The following FAM193A variants were observed in gnomAD, a reference collection of about 807,000 sequenced individuals.
The protein encoded by FAM193A is protein FAM193A.
Under a neutral mutation model 126.5 loss-of-function variants are expected in FAM193A, and 22 were observed. That is an observed-to-expected ratio of 0.17 (90% confidence interval 0.12 to 0.25). The LOEUF (loss-of-function observed/expected upper bound fraction) is 0.25, where lower values mean the gene tolerates loss of function less well. Among genes scored for constraint, FAM193A ranks in the 10% least tolerant of loss-of-function variants. The pLI, the probability that FAM193A is intolerant of heterozygous loss-of-function variation, is 1.00. For synonymous variants in FAM193A, 761 were observed against 646.8 expected, an observed-to-expected ratio of 1.18 and a Z score of -2.68; for missense variants, 1,675 against 1,672.8, an observed-to-expected ratio of 1.00 and a Z score of -0.02.
At chr4:2,607,089 C>G (rs997224847) in intron 2 of FAM193A, among the ~76,000 whole-genome samples, 1 of 152,178 alleles carries the variant, frequency 6.6e-6, no homozygotes, top group Non-Finnish European at 1.5e-5. Context: ...TGAGATTCCT[C>G]GAGGCGGACT....
intron 2 of FAM193A, among the ~76,000 whole-genome samples, chr4:2,615,680 A>G (rs1467100892): frequency 6.6e-6 from 1 of 151,460 alleles, no homozygotes; most frequent in Non-Finnish European, 1.5e-5. Flanking sequence ...CACCACGCCC[A>G]GGTAATTTTT....
intron 1 of FAM193A, among the ~76,000 whole-genome samples, chr4:2,586,190 C>T (rs530257407): frequency 6.6e-6 from 1 of 151,714 alleles, no homozygotes; most frequent in East Asian, 1.9e-4. Context: ...TTGCAGTGAC[C>T]TGAGATGATG....
chr4:2,571,378 T>C (rs996923028), intron 1 of FAM193A, among the ~76,000 whole-genome samples: 1 of 152,180 alleles, frequency 6.6e-6, no homozygotes, highest in African/African-American at 2.4e-5. Context: ...CGGAGACTGG[T>C]ACTTGTTGGC....
At chr4:2,716,425 C>T (rs1234059217) in intron 20 of FAM193A, among the ~76,000 whole-genome samples, 1 of 152,162 alleles carries the variant, frequency 6.6e-6, no homozygotes. Context: ...CCTGGGCCAG[C>T]AGCGTCTCCT....
At chr4:2,641,482 C>T (rs891673536) in intron 6 of FAM193A, among the ~76,000 whole-genome samples, 4 of 151,966 alleles carry the variant, frequency 2.6e-5, no homozygotes, top group Admixed American at 6.5e-5. Flanking sequence ...GGTGAAACCT[C>T]GTCTCTACTA....
intron 1 of FAM193A, among the ~76,000 whole-genome samples, chr4:2,560,593 A>C (rs1738551015): frequency 6.6e-6 from 1 of 152,136 alleles, no homozygotes; most frequent in South Asian, 2.1e-4. Context: ...CATTTTTCCA[A>C]AGTTAACTGC....
At chr4:2,645,506 ATCTT>A (rs1434085748) in intron 6 of FAM193A, among the ~76,000 whole-genome samples, 3 of 150,948 alleles carry the variant, frequency 2.0e-5, no homozygotes, top group African/African-American at 7.3e-5. Context: ...CCATCTTGCC[ATCTT>A]TCTTTTTTTT....
chr4:2,593,904 G>C (rs572282869), intron 1 of FAM193A, among the ~76,000 whole-genome samples: 1 of 151,482 alleles, frequency 6.6e-6, no homozygotes, highest in East Asian at 1.9e-4. Context: ...TAGGCTTTTG[G>C]GATTTGTTGG....
At chr4:2,547,671 G>A (rs371307780) in intron 1 of FAM193A, among the ~76,000 whole-genome samples, 1 of 151,558 alleles carries the variant, frequency 6.6e-6, no homozygotes, top group Non-Finnish European at 1.5e-5. Flanking sequence ...TTTCGCCCAG[G>A]CTGGAGTGCA....
At chr4:2,619,878 T>C (rs549998366) in intron 2 of FAM193A, among the ~76,000 whole-genome samples, 2 of 151,898 alleles carry the variant, frequency 1.3e-5, no homozygotes, top group South Asian at 2.1e-4. Context: ...TTTAGTAGAG[T>C]TGGGATTTTG....
intron 20 of FAM193A, among the ~76,000 whole-genome samples, chr4:2,722,683 CAT>C (rs1720294174): frequency 1.3e-5 from 2 of 152,126 alleles, no homozygotes; most frequent in Non-Finnish European, 2.9e-5. Context: ...GGATCAGTCT[CAT>C]AGAGGCTGCA....
chr4:2,694,895 A>G (rs994642925), intron 16 of FAM193A, 51 bp from the exon 17 acceptor site: 1 of 1,494,320 alleles, frequency 6.7e-7, no homozygotes, highest in Middle Eastern at 2.2e-4. Context: ...AATGTGAGTC[A>G]TTGCCTCCCG....
At chr4:2,536,505 A>C (rs1057293824), upstream of FAM193A, 2 of 141,054 alleles carry the variant, frequency 1.4e-5, no homozygotes, top group Non-Finnish European at 3.0e-5. Flanking sequence ...GCGCCGAGGC[A>C]CGTTAACGGC....
chr4:2,605,148 T>A (rs990048035), intron 2 of FAM193A, among the ~76,000 whole-genome samples: 1 of 151,972 alleles, frequency 6.6e-6, no homozygotes, highest in East Asian at 1.9e-4. Flanking sequence ...TCCTCATCAC[T>A]TACTGTAATG....
intron 1 of FAM193A, among the ~76,000 whole-genome samples, chr4:2,580,468 A>G (rs1344468810): frequency 2.0e-5 from 3 of 152,302 alleles, no homozygotes; most frequent in East Asian, 1.9e-4. Context: ...CGTGCTGCAC[A>G]TGTACCCCCA....
At chr4:2,722,063 A>G (rs752531842) in intron 20 of FAM193A, among the ~76,000 whole-genome samples, 3 of 152,154 alleles carry the variant, frequency 2.0e-5, no homozygotes, top group Non-Finnish European at 2.9e-5. Flanking sequence ...ATTACCAAGA[A>G]CTATGGTGAA....
chr4:2,604,909 C>A (rs1316304331), intron 2 of FAM193A, among the ~76,000 whole-genome samples: 1 of 150,356 alleles, frequency 6.7e-6, no homozygotes, highest in Non-Finnish European at 1.5e-5. Context: ...GTGATTCTCC[C>A]AGCTTAGCCT....
chr4:2,646,940 G>C, intron 7 of FAM193A, 108 bp downstream of exon 7: 2 of 1,245,292 alleles, frequency 1.6e-6, no homozygotes, highest in Non-Finnish European at 2.2e-6. Flanking sequence ...AGGAATTCCC[G>C]ACTGAGGCCC....
intron 1 of FAM193A, among the ~76,000 whole-genome samples, chr4:2,551,747 TTC>T (rs917812214): frequency 9.9e-5 from 15 of 152,276 alleles, no homozygotes; most frequent in African/African-American, 3.1e-4. Context: ...TTACTGATTT[TTC>T]TCTGTTTTTC....
Sources: gnomAD v4.1 joint callset for allele counts (sites outside exome capture counted in the v4.1 genomes callset) on GRCh38, gnomAD v4.1.1 for gene constraint, MANE v1.5 for transcripts, NCBI Gene and HGNC (gene_info 2026-07-23, HGNC 2026-07-21) for gene names.